DNAH8: variants seen among roughly 807,000 people sequenced by gnomAD.
The protein encoded by DNAH8 is axonemal beta dynein heavy chain 8.
In DNAH8, 382 loss-of-function variants were observed where a neutral mutation model predicts 562.1. The ratio of observed to expected loss-of-function variants is 0.68; its 90% confidence interval spans 0.63 to 0.74. The LOEUF (loss-of-function observed/expected upper bound fraction) is 0.74. DNAH8 is among the 30% of genes least tolerant of loss of function. The probability of loss-of-function intolerance (pLI) is 0.00; values close to 1 mark genes in which losing one functional copy is unlikely to be tolerated. For missense variants in DNAH8, 5,203 were observed against 5,620.4 expected (o/e 0.93, Z 2.37); for synonymous variants, 1,881 against 1,919.4 (o/e 0.98, Z 0.52).
intron 33 of DNAH8, among the ~76,000 whole-genome samples, chr6:38,841,424 T>C (rs530155788): frequency 2.0e-5 from 3 of 152,126 alleles, no homozygotes; most frequent in Non-Finnish European, 4.4e-5. Flanking sequence ...CTCTCAAAAA[T>C]AAAATAAAAT....
intron 17 of DNAH8, 74 bp downstream of exon 17, chr6:38,783,213 CT>C: frequency 2.2e-6 from 3 of 1,361,446 alleles, no homozygotes; most frequent in East Asian, 2.3e-5. Context: ...TTCTGGAGAA[CT>C]TTTTCCATCC....
intron 91 of DNAH8, among the ~76,000 whole-genome samples, chr6:39,017,567 G>A (rs1003866405): frequency 1.3e-5 from 2 of 152,086 alleles, no homozygotes; most frequent in East Asian, 3.9e-4. Flanking sequence ...ATGCAGTCCC[G>A]TTATTTTCCG....
chr6:38,776,867 G>T (rs375973357), intron 13 of DNAH8, among the ~76,000 whole-genome samples: 1 of 152,118 alleles, frequency 6.6e-6, no homozygotes, highest in African/African-American at 2.4e-5. Context: ...GTTAACCTAC[G>T]TTTAGCCCAA....
At chr6:38,804,746 G>A (rs1191022453) in intron 22 of DNAH8, among the ~76,000 whole-genome samples, 13 of 148,658 alleles carry the variant, frequency 8.7e-5, no homozygotes, top group East Asian at 2.0e-4. Context: ...TCCCATGAAA[G>A]TGACATAGCA....
intron 82 of DNAH8, among the ~76,000 whole-genome samples, chr6:38,967,822 A>G (rs1212579266): frequency 6.6e-6 from 1 of 152,166 alleles, no homozygotes; most frequent in African/African-American, 2.4e-5. Context: ...TAACTAAAAC[A>G]ATCTTGAAAA....
Position 38,717,627 on chromosome 6 carries a change from A to AT in DNAH8, c.-35+2228dup, listed in dbSNP as rs34952417. On this transcript the variant is annotated intron_variant, in intron 1 of 92. Transcript: ENST00000327475. ...GTAATACAACTAAAATGTACACATGATTTTTTTTTTTTTTTTAGAAAAGAA... is the reference window on the plus strand; with the variant it reads ...GTAATACAACTAAAATGTACACATGATTTTTTTTTTTTTTTTTAGAAAAGAA... Among the ~76,000 whole-genome samples the AT allele has an allele frequency of 5.9e-3, 845 of 143,068 alleles. 1 individual carries two copies. The highest frequency in any genetic ancestry group is 0.012 in the East Asian group (59 of 4,880). The allele number at this position is 143,068 out of a possible 152,430, so 93.9% of individuals were successfully genotyped here. A position where few individuals can be genotyped will look rare whatever the true frequency, so the allele number is the denominator to read the frequency against.
At chr6:38,940,871 A>G (rs970592792) in intron 79 of DNAH8, among the ~76,000 whole-genome samples, 1 of 152,100 alleles carries the variant, frequency 6.6e-6, no homozygotes, top group Non-Finnish European at 1.5e-5. Context: ...TAATCCCAGC[A>G]CTTTGGGAGG....
chr6:38,800,236 G>A (rs1277126913), intron 21 of DNAH8, among the ~76,000 whole-genome samples: 1 of 151,128 alleles, frequency 6.6e-6, no homozygotes, highest in Non-Finnish European at 1.5e-5. Context: ...GTGGACTTAA[G>A]TTTTCATTTC....
rs112201076 is a variant in DNAH8 at position 38,900,395 on chromosome 6, T to C, written c.9194+489T>C. Among the ~76,000 whole-genome samples, 1,493 of 152,290 alleles carry C rather than the reference T, an allele frequency of 9.8e-3. 20 individuals are homozygous for C. Among genetic ancestry groups the C allele is most frequent in the African/African-American group, 0.033 (1,353 of 41,570 alleles). ...TATCCATTGTACTCTTGATAAACAT[T>C]TGGTTTGGGGCAAATAGAGCTACTG... On this transcript the variant is annotated intron_variant, in intron 62 of 92. Transcript: ENST00000327475.
In DNAH8 at chr6:39,008,968, G is replaced by A; in HGVS notation, c.13369G>A (p.Glu4457Lys). The A allele has an allele frequency of 6.2e-7, 1 of 1,605,716 alleles. No individual in the cohort carries two copies. The highest frequency in any genetic ancestry group is 8.5e-7 in the Non-Finnish European group (1 of 1,174,194). The change falls in exon 89 of 93, where the codon GAG (glutamate) becomes AAG (lysine). Residue 4457 changes from glutamate to lysine, a missense_variant and splice_region_variant. Coordinates refer to ENST00000327475, the MANE Select transcript of DNAH8 (RefSeq NM_001206927.2). Reference sequence around the variant, plus strand: ...ACTCCCTCCTGATTACATTCCTCATGAGGTAAGTCTTGCTGGTTTCCCACT... The same window carrying A: ...ACTCCCTCCTGATTACATTCCTCATAAGGTAAGTCTTGCTGGTTTCCCACT... The part of the protein sequence containing the change: ...SKLPPDYIPH[E>K]VKSRLIKMGH...
At chr6:38,867,511 G>A (rs547717843) in intron 47 of DNAH8, among the ~76,000 whole-genome samples, 1 of 151,826 alleles carries the variant, frequency 6.6e-6, no homozygotes, top group East Asian at 1.9e-4. Context: ...CTGGGAGGCC[G>A]AGGCGAGTGG....
chr6:38,905,427 C>A (rs1322178606), intron 62 of DNAH8, among the ~76,000 whole-genome samples: 7 of 152,222 alleles, frequency 4.6e-5, no homozygotes, highest in Non-Finnish European at 7.4e-5. Flanking sequence ...TTATTTATAC[C>A]TTATTGCACA....
intron 8 of DNAH8, among the ~76,000 whole-genome samples, chr6:38,742,174 A>C (rs1392732824): frequency 6.6e-6 from 1 of 152,242 alleles, no homozygotes; most frequent in African/African-American, 2.4e-5. Flanking sequence ...TGAAGAAATC[A>C]ATATAGGCTC....
intron 76 of DNAH8, among the ~76,000 whole-genome samples, chr6:38,932,215 C>CACACAT (rs1199457741): frequency 1.3e-5 from 2 of 150,692 alleles, no homozygotes; most frequent in African/African-American, 5.0e-5. Flanking sequence ...CACACACACA[C>CACACAT]ACCCGTCTCT....
chr6:38,811,626 C>A (rs1428686914), intron 24 of DNAH8, among the ~76,000 whole-genome samples: 1 of 152,054 alleles, frequency 6.6e-6, no homozygotes, highest in Non-Finnish European at 1.5e-5. Flanking sequence ...TGAACATTTT[C>A]CCTTACTTTA....
At chr6:38,907,894 G>T in intron 63 of DNAH8, 62 bp from the exon 64 acceptor site, 2 of 1,319,416 alleles carry the variant, frequency 1.5e-6, no homozygotes, top group Middle Eastern at 2.0e-4. Context: ...CTGGACTTTG[G>T]CAGTGAATTG....
intron 82 of DNAH8, among the ~76,000 whole-genome samples, chr6:38,953,278 G>C (rs10947766): frequency 0.14 from 21,387 of 152,162 alleles, 1,606 homozygotes; most frequent in Admixed American, 0.22. Flanking sequence ...CTTATGTACA[G>C]AGCTGGAATG....
At chr6:38,843,092 G>A (rs1562966273) in intron 35 of DNAH8, among the ~76,000 whole-genome samples, 189 bp downstream of exon 35, 1 of 152,068 alleles carries the variant, frequency 6.6e-6, no homozygotes, top group Non-Finnish European at 1.5e-5. Context: ...GAGATTATAT[G>A]ATTATTTGAA....
At chr6:38,769,124 C>A (rs946412591) in intron 11 of DNAH8, among the ~76,000 whole-genome samples, 3 of 152,100 alleles carry the variant, frequency 2.0e-5, no homozygotes, top group Admixed American at 2.0e-4. Context: ...TCAGTGTATA[C>A]TTTTTAGGAA....
Sources: allele counts gnomAD v4.1 joint callset (sites outside exome capture counted in the v4.1 genomes callset), GRCh38; gene constraint gnomAD v4.1.1; transcripts MANE v1.5; gene names NCBI Gene and HGNC (gene_info 2026-07-23, HGNC 2026-07-21).